Variants in PCDHAC1 observed in about 807,000 individuals in gnomAD.
PCDHAC1 encodes the protein protocadherin alpha subfamily C, 1.
A neutral mutation model predicts 60.0 loss-of-function variants in PCDHAC1; 42 were observed. That is an observed-to-expected ratio of 0.70 (90% confidence interval 0.55 to 0.90). The LOEUF is 0.90. Among genes scored for constraint, PCDHAC1 ranks in the 40% least tolerant of loss-of-function variants. PCDHAC1 has a pLI of 0.00. For missense variants in PCDHAC1, 1,160 were observed against 1,222.3 expected, an observed-to-expected ratio of 0.95 and a Z score of 0.76; for synonymous variants, 468 against 499.3, an observed-to-expected ratio of 0.94 and a Z score of 0.84.
intron 1 of PCDHAC1, among the ~76,000 whole-genome samples, chr5:140,946,059 G>GA (rs2093880331): frequency 6.6e-6 from 1 of 152,156 alleles, no homozygotes; most frequent in East Asian, 1.9e-4. Flanking sequence ...CAGAATGGGA[G>GA]AAAATATTTG....
chr5:141,003,252 TGGGCAGTGCCTAA>T (rs2098117217), intron 3 of PCDHAC1, among the ~76,000 whole-genome samples: 1 of 152,236 alleles, frequency 6.6e-6, no homozygotes, highest in South Asian at 2.1e-4. Context: ...AAAAGATTCC[TGGGCAGTGCCTAA>T]GGGAAGTGCC....
intron 1 of PCDHAC1, among the ~76,000 whole-genome samples, chr5:140,933,721 C>G (rs957167505): frequency 6.6e-6 from 1 of 151,982 alleles, no homozygotes; most frequent in Non-Finnish European, 1.5e-5. Flanking sequence ...ATTGGTGATA[C>G]AGCTTTCTTA....
At chr5:140,985,216 C>T (rs1009954667) in intron 3 of PCDHAC1, among the ~76,000 whole-genome samples, 1 of 152,186 alleles carries the variant, frequency 6.6e-6, no homozygotes, top group South Asian at 2.1e-4. Context: ...GGATTACAGG[C>T]GTGAGCCACC....
At chr5:140,952,789 A>T (rs564361136) in intron 1 of PCDHAC1, among the ~76,000 whole-genome samples, 1 of 152,316 alleles carries the variant, frequency 6.6e-6, no homozygotes, top group South Asian at 2.1e-4. Context: ...AAAGAGGTTT[A>T]ACTGGCTCGC....
intron 1 of PCDHAC1, among the ~76,000 whole-genome samples, chr5:140,952,331 T>G (rs1302386893): frequency 1.8e-5 from 2 of 112,488 alleles, no homozygotes; most frequent in African/African-American, 7.8e-5. Context: ...AGAGTGAAAC[T>G]CCATCTCAAA....
intron 1 of PCDHAC1, chr5:140,968,020 C>T: frequency 1.2e-6 from 2 of 1,614,202 alleles, no homozygotes; most frequent in Non-Finnish European, 1.7e-6. Flanking sequence ...TTGGAAACTC[C>T]TATACACTGG....
chr5:140,997,133 C>G (rs1554255761), intron 3 of PCDHAC1, among the ~76,000 whole-genome samples: 1 of 152,092 alleles, frequency 6.6e-6, no homozygotes, highest in Non-Finnish European at 1.5e-5. Flanking sequence ...ACAATGCCCC[C>G]ACACCCCCGC....
chr5:140,934,925 A>G (rs2090105619), intron 1 of PCDHAC1, among the ~76,000 whole-genome samples: 1 of 152,196 alleles, frequency 6.6e-6, no homozygotes, highest in African/African-American at 2.4e-5. Context: ...ATTCACATAA[A>G]GTTACAAAAC....
chr5:140,938,406 T>A (rs1283027205), intron 1 of PCDHAC1, among the ~76,000 whole-genome samples: 1 of 152,240 alleles, frequency 6.6e-6, no homozygotes, highest in African/African-American at 2.4e-5. Context: ...ATTGTTTGAT[T>A]GGGTTTATTT....
At chr5:140,967,792 A>C (rs371669028) in intron 1 of PCDHAC1, 5 of 1,614,212 alleles carry the variant, frequency 3.1e-6, no homozygotes, top group Non-Finnish European at 4.2e-6. Flanking sequence ...ACCGGGGTCC[A>C]GTGCCCATGG....
In PCDHAC1 at chr5:140,928,657, G is replaced by A. The variant is rs781811102; in HGVS notation, c.1765G>A (p.Asp589Asn). ...CACAAAAGTGGTAGCAGAGGATGCT[G>A]ACAGTGGTTCTAATGCCTGGCTTTC... is the stretch of plus-strand genomic sequence containing the variant. ...LVTKVVAEDA[D>N]SGSNAWLSYH... Residue 589 changes from aspartate to asparagine, a missense_variant, in exon 1 of 4, where the codon GAC becomes AAC. Transcript: ENST00000253807. The A allele has an allele frequency of 6.8e-6, 11 of 1,614,102 alleles. No individual in the cohort carries two copies. Among genetic ancestry groups the A allele is most frequent in the Non-Finnish European group, 9.3e-6 (11 of 1,180,050 alleles).
At chr5:140,974,083 T>C (rs1345131685) in intron 1 of PCDHAC1, among the ~76,000 whole-genome samples, 1 of 152,236 alleles carries the variant, frequency 6.6e-6, no homozygotes, top group Non-Finnish European at 1.5e-5. Flanking sequence ...AACCATGACT[T>C]CAAAAATCAA....
rs1554204119 is a variant in PCDHAC1 at position 140,927,171 on chromosome 5, C to G, written c.279C>G (p.Cys93Trp). Residue 93 changes from cysteine (C) to tryptophan (W), a missense_variant, in exon 1 of 4, where the codon TGC (cysteine) becomes TGG (tryptophan). This residue lies in a region of PCDHAC1 where 1,113 missense variants were observed against 1,163.7 expected (regional missense o/e 0.96). Coordinates refer to ENST00000253807, the MANE Select transcript of PCDHAC1 (RefSeq NM_018898.5). ...REQLCRAKAACVLTYDLVLED... is the reference protein window; with the variant it reads ...REQLCRAKAAWVLTYDLVLED... ...AGCTGTGCAGGGCCAAAGCTGCCTGCGTCTTGACCTACGACCTGGTGCTCG... is the reference window on the plus strand; with the variant it reads ...AGCTGTGCAGGGCCAAAGCTGCCTGGGTCTTGACCTACGACCTGGTGCTCG... 3.1e-6 allele frequency: 5 copies of G among 1,614,164 alleles called. No individual in the cohort carries two copies.
chr5:141,000,412 TATATATATA>T (rs1297219533), intron 3 of PCDHAC1, among the ~76,000 whole-genome samples: 3 of 102,772 alleles, frequency 2.9e-5, no homozygotes, highest in Admixed American at 1.2e-4. Flanking sequence ...TATATATATA[TATATATATA>T]TTTTTTTTTT....
At chr5:140,982,625 T>C in intron 3 of PCDHAC1, 62 bp downstream of exon 3, 1 of 1,582,614 alleles carries the variant, frequency 6.3e-7, no homozygotes, top group South Asian at 1.2e-5. Context: ...ATGACCTACT[T>C]TTGTAAGATC....
intron 3 of PCDHAC1, among the ~76,000 whole-genome samples, chr5:141,008,894 A>G (rs782674482): frequency 9.9e-5 from 15 of 152,254 alleles, no homozygotes; most frequent in Non-Finnish European, 1.8e-4. Context: ...TGTTATTACA[A>G]TAAAATTAAG....
At chr5:140,997,656 T>G (rs2153947694) in intron 3 of PCDHAC1, among the ~76,000 whole-genome samples, 1 of 149,610 alleles carries the variant, frequency 6.7e-6, no homozygotes. Flanking sequence ...GCAATATGTA[T>G]TATTATACAG....
intron 3 of PCDHAC1, among the ~76,000 whole-genome samples, chr5:141,001,096 A>T (rs919555319): frequency 1.3e-5 from 2 of 152,130 alleles, no homozygotes; most frequent in Admixed American, 1.3e-4. Flanking sequence ...AAACTGTCTA[A>T]TCCATAATAA....
chr5:140,997,866 TG>T (rs1554256038), intron 3 of PCDHAC1, among the ~76,000 whole-genome samples: 1 of 152,216 alleles, frequency 6.6e-6, no homozygotes, highest in African/African-American at 2.4e-5. Context: ...TTCTTATGCA[TG>T]CTTGCTAGTA....
Sources: allele counts gnomAD v4.1 joint callset (sites outside exome capture counted in the v4.1 genomes callset), GRCh38; gene constraint gnomAD v4.1.1; regional missense constraint gnomAD v4.1.1; transcripts MANE v1.5; gene names NCBI Gene and HGNC (gene_info 2026-07-23, HGNC 2026-07-21).